Variants in ANAPC1 observed in about 807,000 individuals in gnomAD.
ANAPC1 encodes anaphase promoting complex subunit 1.
ANAPC1 carries 36 observed loss-of-function variants against 208.0 expected under a neutral mutation model. The observed-to-expected ratio is 0.17, with a 90% CI of 0.13 to 0.23. ANAPC1 has a LOEUF of 0.23. ANAPC1 is among the 10% of genes least tolerant of loss of function. The probability of loss-of-function intolerance (pLI) is 1.00; values close to 1 mark genes in which losing one functional copy is unlikely to be tolerated. For synonymous variants in ANAPC1, 378 were observed against 695.2 expected, an observed-to-expected ratio of 0.54 and a Z score of 7.18; for missense variants, 942 against 2,011.6, an observed-to-expected ratio of 0.47 and a Z score of 10.17.
rs144865434 is a variant in ANAPC1 at position 111,835,662 on chromosome 2, C to G, written c.2116-790G>C. On this transcript the variant is annotated intron_variant, in intron 18 of 47. Transcript: ENST00000341068. Reference sequence around the variant, plus strand: ...GACCTTCCTGGCTAACACGGTGGAACCCCATCACTTCTAAAAAAATACAAA... The same window carrying G: ...GACCTTCCTGGCTAACACGGTGGAAGCCCATCACTTCTAAAAAAATACAAA... 8.5e-4 allele frequency among the ~76,000 whole-genome samples: 129 copies of G among 150,940 alleles called. 2 individuals are homozygous for G. In the East Asian group the frequency reaches 0.024, roughly 28 times the overall value.
At chr2:111,795,073 A>T (rs1678089155) in intron 34 of ANAPC1, 179 bp from the exon 35 acceptor site, 2 of 481,852 alleles carry the variant, frequency 4.2e-6, no homozygotes, top group South Asian at 4.5e-5. Context: ...TTTCAAATCT[A>T]AGATGGGCTA....
intron 16 of ANAPC1, among the ~76,000 whole-genome samples, 166 bp downstream of exon 16, chr2:111,846,972 C>T (rs1573452631): frequency 1.3e-5 from 2 of 152,128 alleles, no homozygotes; most frequent in Admixed American, 6.6e-5. Flanking sequence ...TTAGAGCGCA[C>T]GTAGAGTGGA....
intron 6 of ANAPC1, among the ~76,000 whole-genome samples, chr2:111,868,557 G>A (rs1463513928): frequency 6.6e-6 from 1 of 152,070 alleles, no homozygotes; most frequent in East Asian, 1.9e-4. Flanking sequence ...CTGAGATGGA[G>A]TCTCACTCTG....
At position 111,864,463 on chromosome 2, in the gene ANAPC1, C is replaced by CTTTTT. The variant is rs1156702851; in HGVS notation, c.831+338_831+342dup. Among the ~76,000 whole-genome samples the CTTTTT allele has an allele frequency of 1.9e-3, 182 of 95,182 alleles. 29 individuals carry two copies. The highest frequency in any genetic ancestry group is 3.0e-3 in the Non-Finnish European group (159 of 52,832). 62.4% of individuals were successfully genotyped at this position (95,182 alleles called of 152,430 possible). A position where few individuals can be genotyped will look rare whatever the true frequency, so the allele number is the denominator to read the frequency against. The stretch of plus-strand genomic sequence containing the variant: ...AACTACTCTTTCATATATATATATA[C>CTTTTT]TTTTTTTTTTTTTTTTTTTGAGATG... On this transcript the variant is annotated intron_variant, in intron 8 of 47. Transcript: ENST00000341068.
chr2:111,864,206 G>A (rs1441795682), intron 8 of ANAPC1, among the ~76,000 whole-genome samples: 1 of 151,848 alleles, frequency 6.6e-6, no homozygotes, highest in Non-Finnish European at 1.5e-5. Context: ...CACATTTGTA[G>A]TCCTAGCTAT....
intron 28 of ANAPC1, among the ~76,000 whole-genome samples, chr2:111,813,653 A>C (rs1679102269): frequency 6.6e-6 from 1 of 151,694 alleles, no homozygotes; most frequent in South Asian, 2.1e-4. Context: ...GTAATATCCT[A>C]ATATTGGAAG....
At chr2:111,839,120 C>G (rs1242070826) in intron 17 of ANAPC1, among the ~76,000 whole-genome samples, 1 of 152,116 alleles carries the variant, frequency 6.6e-6, no homozygotes, top group Non-Finnish European at 1.5e-5. Flanking sequence ...CCAGTCCTAC[C>G]CCTGCTCCTC....
At chr2:111,837,610 C>CA (rs34106530) in intron 18 of ANAPC1, among the ~76,000 whole-genome samples, 513 of 137,734 alleles carry the variant, frequency 3.7e-3, no homozygotes, top group East Asian at 6.0e-3. Context: ...GACTCCGTCT[C>CA]AAAAAAAAAA....
intron 8 of ANAPC1, among the ~76,000 whole-genome samples, 182 bp downstream of exon 8, chr2:111,864,624 C>T (rs1050347309): frequency 4.0e-5 from 6 of 151,644 alleles, no homozygotes; most frequent in Non-Finnish European, 5.9e-5. Flanking sequence ...CCACACCTGG[C>T]TAATTTTTTA....
At chr2:111,853,882 A>G (rs1681551917) in intron 13 of ANAPC1, among the ~76,000 whole-genome samples, 1 of 151,872 alleles carries the variant, frequency 6.6e-6, no homozygotes, top group South Asian at 2.1e-4. Context: ...ACGCCCGGCT[A>G]ATTTTTTGTA....
At chr2:111,767,416 G>A (rs1042183536), downstream of ANAPC1, among the ~76,000 whole-genome samples, 3 of 147,602 alleles carry the variant, frequency 2.0e-5, no homozygotes, top group Admixed American at 6.7e-5. Flanking sequence ...CCCAAAAATA[G>A]CTGCAATTGA....
chr2:111,769,537 G>A (rs1202267562), intron 47 of ANAPC1, 131 bp from the exon 48 acceptor site: 1 of 608,778 alleles, frequency 1.6e-6, no homozygotes, highest in African/African-American at 1.9e-5. Flanking sequence ...ACTATGCAAA[G>A]ACAATATTTA....
intron 6 of ANAPC1, among the ~76,000 whole-genome samples, chr2:111,869,986 T>C (rs954401325): frequency 4.6e-5 from 7 of 152,378 alleles, no homozygotes; most frequent in African/African-American, 1.4e-4. Context: ...TTTCCATTCC[T>C]GGGTTACTTC....
intron 13 of ANAPC1, 90 bp downstream of exon 13, chr2:111,856,524 T>A (rs1573473243): frequency 1.5e-6 from 2 of 1,297,362 alleles, no homozygotes; most frequent in African/African-American, 1.5e-5. Flanking sequence ...ACATAACAAA[T>A]TTAAAATATC....
chr2:111,827,199 A>G (rs1679884607), intron 21 of ANAPC1, among the ~76,000 whole-genome samples: 1 of 152,188 alleles, frequency 6.6e-6, no homozygotes, highest in African/African-American at 2.4e-5. Context: ...ATCTAGTAGT[A>G]CAGAGCTGTA....
intron 30 of ANAPC1, among the ~76,000 whole-genome samples, chr2:111,804,506 C>CT (rs1183612859): frequency 0.015 from 1,173 of 77,962 alleles, 246 homozygotes; most frequent in African/African-American, 0.038. Context: ...TGATTCTTTT[C>CT]TTTTTTTTTT....
chr2:111,833,681 TA>T lies in ANAPC1; in HGVS notation c.2385-371del, dbSNP rs372311361. 9.3e-4 allele frequency among the ~76,000 whole-genome samples: 80 copies of T among 85,968 alleles called. 1 individual carries two copies. The Middle Eastern group carries it at 0.023, about 25-fold the overall frequency. The allele number at this position is 85,968 out of a possible 152,430, so 56.4% of individuals were successfully genotyped here. A position where few individuals can be genotyped will look rare whatever the true frequency, so the allele number is the denominator to read the frequency against. On this transcript the variant is annotated intron_variant, in intron 19 of 47. Transcript: ENST00000341068. ...TAAAGATTAAATAAGATAAAATATG[TA>T]AAAAAAAAAAAACCTGATAAAATGT...
chr2:111,829,536 G>T (rs1007370394), intron 21 of ANAPC1, among the ~76,000 whole-genome samples: 3 of 152,196 alleles, frequency 2.0e-5, no homozygotes, highest in Non-Finnish European at 4.4e-5. Flanking sequence ...AGGATGGGGG[G>T]ACTGAGGAAC....
At chr2:111,777,593 C>T (rs1202500333) in intron 45 of ANAPC1, among the ~76,000 whole-genome samples, 12 of 150,634 alleles carry the variant, frequency 8.0e-5, no homozygotes, top group African/African-American at 2.9e-4. Context: ...GCAAATAACA[C>T]AACTTGTTAT....
Sources: allele counts gnomAD v4.1 joint callset (sites outside exome capture counted in the v4.1 genomes callset), GRCh38; gene constraint gnomAD v4.1.1; transcripts MANE v1.5; gene names NCBI Gene and HGNC (gene_info 2026-07-23, HGNC 2026-07-21).